The following ERN2 variants were observed in gnomAD, a reference collection of about 807,000 sequenced individuals.
ERN2 encodes the protein endoplasmic reticulum to nucleus signaling 2.
Under a neutral mutation model 107.9 loss-of-function variants are expected in ERN2, and 111 were observed. That is an observed-to-expected ratio of 1.03 (90% CI 0.88 to 1.20). ERN2 has a LOEUF of 1.20. Ranked by LOEUF, ERN2 falls within the 50% of genes most tolerant of loss-of-function variation. The pLI is 0.00. For missense variants in ERN2, 1,225 were observed against 1,197.9 expected (o/e 1.02, Z -0.33); for synonymous variants, 524 against 501.7 (o/e 1.04, Z -0.59).
rs377416182 is a variant in ERN2, at chr16:23,700,557, G to T, written c.1507C>A (p.Pro503Thr). 6.2e-7 allele frequency: 1 copy of T among 1,613,294 alleles called. No individual in the cohort carries two copies. Among genetic ancestry groups the T allele is most frequent in the South Asian group, 1.1e-5 (1 of 90,950 alleles). The part of the protein sequence containing the change: ...RLQSPSKQAQ[P>T]LDDPEAEQLT... ...GGCTCACCTTCAGGGTCGTCGAGTG[G>T]CTGGGCTTGCTTTGAGGGACTCTGA... Residue 503 changes from proline to threonine, a missense_variant, in exon 13 of 22, where the codon CCA becomes ACA. Transcript: ENST00000256797.
Position 23,706,359 on chromosome 16 carries a change from G to A in ERN2, c.560C>T (p.Ala187Val), listed in dbSNP as rs750508633. The A allele has an allele frequency of 4.0e-5, 63 of 1,558,004 alleles. No individual in the cohort carries two copies. The Admixed American group carries it at 7.5e-4, about 19-fold the overall frequency. ...CCCAGGTGAGCCATCCATGGGGGGC[G>A]CTGAGTAGCGGCGGTAGGTGGTGTT... ...RWNTTYRRYS[A>V]PPMDGSPGKY... The change falls in exon 7 of 22, where the codon GCG becomes GTG. Residue 187 changes from alanine to valine, a missense_variant. Coordinates refer to ENST00000256797, the MANE Select transcript of ERN2 (RefSeq NM_033266.4).
chr16:23,691,893 A>G (rs1252658471), intron 19 of ERN2, 70 bp downstream of exon 19: 1 of 1,552,994 alleles, frequency 6.4e-7, no homozygotes, highest in Non-Finnish European at 8.7e-7. Context: ...CTAATCTAAT[A>G]TCCCATTTCT....
chr16:23,691,010 G>T lies in ERN2; in HGVS notation c.2602C>A (p.Arg868=). ...HHYRELPVEV[R]QALGQVPDGF... is the part of the protein sequence containing the mutation. ...TCAGGGACTTGGCCGAGTGCCTGTC[G>T]CACCTCAACTGGGAGCTCCCTGTAG... The change falls in exon 22 of 22, where the codon CGA becomes AGA. Residue 868 remains arginine (R), a synonymous_variant. Coordinates refer to ENST00000256797, the MANE Select transcript of ERN2 (RefSeq NM_033266.4). 6.2e-7 allele frequency: 1 copy of T among 1,614,180 alleles called. No homozygotes were observed. The highest frequency in any genetic ancestry group is 8.5e-7 in the Non-Finnish European group (1 of 1,180,044).
chr16:23,699,281 T>A (rs747257768), intron 13 of ERN2, among the ~76,000 whole-genome samples: 13 of 152,160 alleles, frequency 8.5e-5, no homozygotes, highest in Non-Finnish European at 1.5e-4. Context: ...TGGCATAGAC[T>A]TCCGCCTGAG....
At position 23,695,889 on chromosome 16, in the gene ERN2, C is replaced by T; in HGVS notation, c.1610+5G>A. The T allele has an allele frequency of 1.2e-6, 2 of 1,613,296 alleles. No individual in the cohort carries two copies. Among genetic ancestry groups the T allele is most frequent in the Non-Finnish European group, 1.7e-6 (2 of 1,179,326 alleles). On this transcript the variant is annotated splice_donor_5th_base_variant and intron_variant, in intron 14 of 21. Transcript: ENST00000256797. The stretch of plus-strand genomic sequence containing the variant: ...TCCCCAGCTTGGCTCCTGGCTGCCA[C>T]TCACCGGAAAACGAAAGTCCCGCCT...
At chr16:23,700,164 G>GCAAAA (rs961792337) in intron 13 of ERN2, among the ~76,000 whole-genome samples, 11 of 151,950 alleles carry the variant, frequency 7.2e-5, no homozygotes, top group African/African-American at 1.9e-4. Flanking sequence ...CCCAATCTCT[G>GCAAAA]CAAAACAAAA....
At chr16:23,691,596 G>A (rs1959599974) in intron 19 of ERN2, among the ~76,000 whole-genome samples, 171 bp from the exon 20 acceptor site, 1 of 152,230 alleles carries the variant, frequency 6.6e-6, no homozygotes, top group Non-Finnish European at 1.5e-5. Flanking sequence ...TATGAGCTTG[G>A]TACTGCTGTC....
intron 8 of ERN2, among the ~76,000 whole-genome samples, chr16:23,703,256 A>T (rs2141016435): frequency 6.6e-6 from 1 of 152,034 alleles, no homozygotes. Context: ...CTAAATATAA[A>T]CTCATTACAT....
chr16:23,690,819 A>G lies in ERN2; in HGVS notation c.*12T>C, dbSNP rs1959552885. 6.2e-7 allele frequency: 1 copy of G among 1,603,214 alleles called. No individual in the cohort carries two copies. The highest frequency in any genetic ancestry group is 8.5e-7 in the Non-Finnish European group (1 of 1,176,898). On this transcript the variant is annotated 3_prime_UTR_variant, in exon 22 of 22. Transcript: ENST00000256797. ...CCAGCACGGAGACCATCTGTGTGGC[A>G]TCCAGCCCACCTCACCTCCCTGTGG...
At position 23,700,612 on chromosome 16, in the gene ERN2, C is replaced by T. The variant is rs748049869; in HGVS notation, c.1452G>A (p.Ser484=). The change falls in exon 13 of 22, where the codon TCG becomes TCA. Residue 484 remains serine, a synonymous_variant. Coordinates refer to ENST00000256797, the MANE Select transcript of ERN2 (RefSeq NM_033266.4). The part of the protein sequence containing the change: ...HISQDAQSLH[S]GASRRSQKRL... ...TCTTCTGGCTCCTCCGGCTGGCCCC[C>T]GAGTGCAGGGACTGGGCATCCTGGG... 50 of 1,614,168 alleles carry T rather than the reference C, an allele frequency of 3.1e-5. No homozygotes were observed. Among genetic ancestry groups the T allele is most frequent in the East Asian group, 2.7e-4 (12 of 44,884 alleles).
intron 1 of ERN2, 75 bp downstream of exon 1, chr16:23,713,020 C>T (rs1020830733): frequency 8.3e-7 from 1 of 1,202,118 alleles, no homozygotes; most frequent in Non-Finnish European, 1.1e-6. Flanking sequence ...GCCGCGCCCT[C>T]GCCCCAAGTG....
Position 23,691,426 on chromosome 16 carries a change from C to T in ERN2, c.2377-1G>A, listed in dbSNP as rs1341842213. On this transcript the variant is annotated splice_acceptor_variant, in intron 19 of 21. Coordinates refer to ENST00000256797, the MANE Select transcript of ERN2 (RefSeq NM_033266.4). LOFTEE classifies it high-confidence loss of function. ...CCTTCTCCAGCCAGTCACTGACGTC[C>T]TGGGGCCCAGAGAGCTCCTGAGCCT... is the stretch of plus-strand genomic sequence containing the variant. The T allele has an allele frequency of 6.3e-7, 1 of 1,598,562 alleles. No homozygotes were observed.
In ERN2 at chr16:23,698,040, G is replaced by A. The variant is rs538254558; in HGVS notation, c.1526-2062C>T. Among the ~76,000 whole-genome samples, 43 of 152,268 alleles carry A rather than the reference G, an allele frequency of 2.8e-4. No individual in the cohort carries two copies. In the South Asian group the frequency reaches 5.4e-3, roughly 19 times the overall value. On this transcript the variant is annotated intron_variant, in intron 13 of 21. Coordinates refer to ENST00000256797, the MANE Select transcript of ERN2 (RefSeq NM_033266.4). ...CAATTCTAAAGTAATCAAAAATCTC[G>A]TGTCAGGGAGAAAGGGCATACAGTC...
In ERN2 at chr16:23,695,993, GGT is replaced by G. The variant is rs760147039; in HGVS notation, c.1526-17_1526-16del. On this transcript the variant is annotated splice_polypyrimidine_tract_variant and intron_variant, in intron 13 of 21. Transcript: ENST00000256797. ...GAGTTGCTCAGCTGGGGGAGAGGAGGGTGGTGACTCAGGGAGCCTCTGCCCAC... is the reference window on the plus strand; with the variant it reads ...GAGTTGCTCAGCTGGGGGAGAGGAGGGGTGACTCAGGGAGCCTCTGCCCAC... 23 of 1,607,238 alleles carry G rather than the reference GGT, an allele frequency of 1.4e-5. No homozygotes were observed. Among genetic ancestry groups the G allele is most frequent in the Non-Finnish European group, 2.0e-5 (23 of 1,173,992 alleles).
At position 23,694,826 on chromosome 16, in the gene ERN2, G is replaced by T. The variant is rs1269313763; in HGVS notation, c.2002C>A (p.Pro668Thr). The change falls in exon 17 of 22, where the codon CCT (proline) becomes ACT (threonine). Residue 668 changes from proline to threonine, a missense_variant. Coordinates refer to ENST00000256797, the MANE Select transcript of ERN2 (RefSeq NM_033266.4). ...AGGCTGAAGCTACAGCGGCCAGCAG[G>T]CAGCTTCTTGCAGAGGCCGAAGTCT... ...LSDFGLCKKL[P>T]AGRCSFSLHS... The T allele has an allele frequency of 6.2e-7, 1 of 1,614,090 alleles. No homozygotes were observed. Among genetic ancestry groups the T allele is most frequent in the Non-Finnish European group, 8.5e-7 (1 of 1,179,998 alleles).
intron 18 of ERN2, 36 bp from the exon 19 acceptor site, chr16:23,692,126 A>G: frequency 6.2e-7 from 1 of 1,613,766 alleles, no homozygotes; most frequent in Non-Finnish European, 8.5e-7. Flanking sequence ...AGTCTGCTTC[A>G]GGCCTGCCTA....
In ERN2 at chr16:23,710,501, C is replaced by T. The variant is rs1351258678; in HGVS notation, c.233+15G>A. The T allele has an allele frequency of 1.3e-5, 21 of 1,614,002 alleles. No individual in the cohort carries two copies. Among genetic ancestry groups the T allele is most frequent in the South Asian group, 2.2e-5 (2 of 91,076 alleles). ...CCCAGAAGCCTCCTCCTTAAAAGGC[C>T]CCAGGTTCACTTACTCTGTGACGTA... On this transcript the variant is annotated intron_variant, in intron 3 of 21. Transcript: ENST00000256797.
rs372607946 is a variant in ERN2, at chr16:23,706,470, T to C, written c.488-39A>G. The C allele has an allele frequency of 5.8e-5, 85 of 1,453,276 alleles. No individual in the cohort carries two copies. In the Middle Eastern group the frequency reaches 8.6e-4, roughly 15 times the overall value. The allele number at this position is 1,453,276 out of a possible 1,614,324, so 90.0% of individuals were successfully genotyped here. A position where few individuals can be genotyped will look rare whatever the true frequency, so the allele number is the denominator to read the frequency against. On this transcript the variant is annotated intron_variant, in intron 6 of 21. Coordinates refer to ENST00000256797, the MANE Select transcript of ERN2 (RefSeq NM_033266.4). ...AAGCAAGATTACCAGGAACGTCCAT[T>C]TGATGCTCCCTCCAACCCCAGGGGC...
In ERN2 at chr16:23,695,001, C is replaced by G; in HGVS notation, c.1900+18G>C. 1 of 1,612,958 alleles carries G rather than the reference C, an allele frequency of 6.2e-7. No individual in the cohort carries two copies. On this transcript the variant is annotated intron_variant, in intron 16 of 21. Transcript: ENST00000256797. Reference sequence around the variant, plus strand: ...GGGGCTAAGGACAGGGAGCGGGAGGCAGGGGAAGTGCGGGTACCTATGTGT... The same window carrying G: ...GGGGCTAAGGACAGGGAGCGGGAGGGAGGGGAAGTGCGGGTACCTATGTGT...
Sources: gnomAD v4.1 joint callset for allele counts (sites outside exome capture counted in the v4.1 genomes callset) on GRCh38, gnomAD v4.1.1 for gene constraint, MANE v1.5 for transcripts, NCBI Gene and HGNC (gene_info 2026-07-23, HGNC 2026-07-21) for gene names.